Variants in GUCY1A2 observed in about 807,000 individuals in gnomAD.
GUCY1A2 encodes guanylate cyclase 1 soluble subunit alpha 2, also known as guanylate cyclase soluble subunit alpha-2.
A neutral mutation model predicts 63.5 loss-of-function variants in GUCY1A2; 27 were observed. The ratio of observed to expected loss-of-function variants is 0.43; its 90% CI spans 0.31 to 0.59. The LOEUF is 0.59. Ranked by LOEUF, GUCY1A2 falls within the 20% of genes least tolerant of loss-of-function variation. The pLI, the probability that GUCY1A2 is intolerant of heterozygous loss-of-function variation, is 0.11. For missense variants in GUCY1A2, 768 were observed against 913.3 expected (o/e 0.84, Z 2.05); for synonymous variants, 364 against 343.5 (o/e 1.06, Z -0.66).
chr11:106,972,289 G>A (rs1450389287), intron 3 of GUCY1A2, among the ~76,000 whole-genome samples: 2 of 152,082 alleles, frequency 1.3e-5, no homozygotes, highest in Admixed American at 1.3e-4. Context: ...TGGGGAAAAT[G>A]GGTGTGGGAT....
intron 4 of GUCY1A2, among the ~76,000 whole-genome samples, chr11:106,812,275 A>C (rs1184346381): frequency 6.6e-6 from 1 of 151,914 alleles, no homozygotes; most frequent in African/African-American, 2.4e-5. Flanking sequence ...ATACTCATAT[A>C]TTTAAACTTC....
intron 2 of GUCY1A2, among the ~76,000 whole-genome samples, chr11:106,981,126 T>A (rs1204502647): frequency 6.6e-6 from 1 of 152,194 alleles, no homozygotes; most frequent in African/African-American, 2.4e-5. Context: ...TTTTTTTCTA[T>A]GTAAATATAT....
At chr11:106,785,876 C>CT (rs5794497) in intron 5 of GUCY1A2, among the ~76,000 whole-genome samples, 77,078 of 147,886 alleles carry the variant, frequency 0.52, 20,123 homozygotes, top group East Asian at 0.76. Context: ...CGATATCCAC[C>CT]TTTTTTTTTT....
chr11:106,956,818 G>T (rs942772981), intron 3 of GUCY1A2, among the ~76,000 whole-genome samples: 1 of 152,168 alleles, frequency 6.6e-6, no homozygotes, highest in Admixed American at 6.5e-5. Flanking sequence ...GGTGGAGAGG[G>T]TATGTTTCAC....
At chr11:106,800,393 T>C (rs1456728936) in intron 5 of GUCY1A2, among the ~76,000 whole-genome samples, 1 of 152,196 alleles carries the variant, frequency 6.6e-6, no homozygotes, top group Non-Finnish European at 1.5e-5. Context: ...ACTGGGTATA[T>C]GCCCAAAGGA....
chr11:106,838,027 A>G (rs1859140402), intron 4 of GUCY1A2, among the ~76,000 whole-genome samples: 1 of 151,910 alleles, frequency 6.6e-6, no homozygotes, highest in East Asian at 1.9e-4. Flanking sequence ...CACAGGCTGG[A>G]AAAATGTGCT....
At chr11:107,010,402 C>T (rs575701813) in intron 1 of GUCY1A2, among the ~76,000 whole-genome samples, 2 of 152,282 alleles carry the variant, frequency 1.3e-5, no homozygotes, top group East Asian at 3.9e-4. Flanking sequence ...AAAATATAAG[C>T]AATCCAGACT....
At chr11:106,771,407 A>C (rs184089076) in intron 6 of GUCY1A2, among the ~76,000 whole-genome samples, 19 of 152,316 alleles carry the variant, frequency 1.2e-4, no homozygotes, top group Admixed American at 7.8e-4. Context: ...AACAAGGAAG[A>C]GAGAATACAA....
intron 3 of GUCY1A2, among the ~76,000 whole-genome samples, chr11:106,953,966 G>T (rs1860947301): frequency 6.6e-6 from 1 of 152,014 alleles, no homozygotes; most frequent in African/African-American, 2.4e-5. Flanking sequence ...CAAAAAATCA[G>T]CTCCTGGATT....
intron 7 of GUCY1A2, among the ~76,000 whole-genome samples, chr11:106,696,629 G>A (rs1237013114): frequency 6.6e-6 from 1 of 151,880 alleles, no homozygotes; most frequent in Non-Finnish European, 1.5e-5. Context: ...TGTATTCTAA[G>A]GAGATCATGC....
At position 106,688,627 on chromosome 11, in the gene GUCY1A2, T is replaced by A. The variant is rs566750920; in HGVS notation, c.1992-871A>T. Among the ~76,000 whole-genome samples the A allele has an allele frequency of 3.9e-5, 6 of 152,140 alleles. No homozygotes were observed. The East Asian group carries it at 9.7e-4, about 25-fold the overall frequency. On this transcript the variant is annotated intron_variant, in intron 7 of 7. Transcript: ENST00000526355. Reference sequence around the variant, plus strand: ...TATAGAAACAGAATAAAAGAATTTTTAAAAAAACCCAATAAATGAACAAAA... The same window carrying A: ...TATAGAAACAGAATAAAAGAATTTTAAAAAAAACCCAATAAATGAACAAAA...
At chr11:106,917,447 A>G (rs1860382957) in intron 4 of GUCY1A2, among the ~76,000 whole-genome samples, 2 of 145,398 alleles carry the variant, frequency 1.4e-5, no homozygotes, top group Admixed American at 1.4e-4. Flanking sequence ...TACTGGGTAT[A>G]TACCCAAAGG....
intron 4 of GUCY1A2, among the ~76,000 whole-genome samples, chr11:106,936,453 C>T (rs962513034): frequency 6.6e-6 from 1 of 152,050 alleles, no homozygotes; most frequent in Non-Finnish European, 1.5e-5. Flanking sequence ...TGTTTGACAT[C>T]TGATAAGGAA....
intron 4 of GUCY1A2, among the ~76,000 whole-genome samples, chr11:106,849,228 A>T (rs1859318838): frequency 6.6e-6 from 1 of 151,558 alleles, no homozygotes; most frequent in South Asian, 2.1e-4. Flanking sequence ...CTTATTAATT[A>T]GCTCATATAT....
rs532040547 is a variant in GUCY1A2, at chr11:106,733,127, G to T, written c.1837-24461C>A. Among the ~76,000 whole-genome samples the T allele has an allele frequency of 1.7e-3, 264 of 152,238 alleles. 1 individual carries two copies. Among genetic ancestry groups the T allele is most frequent in the Non-Finnish European group, 3.3e-3 (225 of 68,002 alleles). The stretch of plus-strand genomic sequence containing the variant: ...ACCAAACACATTGCTGTTCAAACTT[G>T]CCAAAAGGACATGTTATGTATCACG... On this transcript the variant is annotated intron_variant, in intron 6 of 7. Transcript: ENST00000526355.
At chr11:106,855,317 T>A (rs1029970305) in intron 4 of GUCY1A2, among the ~76,000 whole-genome samples, 5 of 152,132 alleles carry the variant, frequency 3.3e-5, no homozygotes, top group African/African-American at 9.7e-5. Context: ...TTCCCCACAA[T>A]GAAGACACCT....
chr11:106,924,192 T>C (rs1320161511), intron 4 of GUCY1A2, among the ~76,000 whole-genome samples: 1 of 152,220 alleles, frequency 6.6e-6, no homozygotes, highest in African/African-American at 2.4e-5. Context: ...TCTACACTTG[T>C]GTCCATAGGA....
At chr11:106,780,340 G>A (rs1475109906) in intron 5 of GUCY1A2, among the ~76,000 whole-genome samples, 1 of 152,104 alleles carries the variant, frequency 6.6e-6, no homozygotes, top group Non-Finnish European at 1.5e-5. Context: ...CCTAAAAAAT[G>A]TTTTCATAGG....
intron 4 of GUCY1A2, among the ~76,000 whole-genome samples, chr11:106,832,376 G>A (rs959687694): frequency 6.6e-6 from 1 of 152,040 alleles, no homozygotes; most frequent in Non-Finnish European, 1.5e-5. Context: ...ATGTATTAGA[G>A]ACTTTATTTC....
Sources: allele counts gnomAD v4.1 joint callset (sites outside exome capture counted in the v4.1 genomes callset), GRCh38; gene constraint gnomAD v4.1.1; transcripts MANE v1.5; gene names NCBI Gene and HGNC (gene_info 2026-07-23, HGNC 2026-07-21).